The following ARMC8 variants were observed in gnomAD, a reference collection of about 807,000 sequenced individuals.
The protein encoded by ARMC8 is armadillo repeat containing 8.
ARMC8 carries 20 observed loss-of-function variants against 99.3 expected under a neutral mutation model. The observed-to-expected ratio is 0.20, with a 90% CI of 0.14 to 0.29. The LOEUF is 0.29. Among genes scored for constraint, ARMC8 ranks in the 10% least tolerant of loss-of-function variants. The probability of loss-of-function intolerance (pLI) is 1.00; values close to 1 mark genes in which losing one functional copy is unlikely to be tolerated. For synonymous variants in ARMC8, 263 were observed against 278.3 expected (o/e 0.95, Z 0.55); for missense variants, 569 against 809.5 (o/e 0.70, Z 3.60).
At chr3:138,284,271 G>A (rs1416066070) in intron 18 of ARMC8, among the ~76,000 whole-genome samples, 160 bp from the exon 19 acceptor site, 1 of 152,206 alleles carries the variant, frequency 6.6e-6, no homozygotes, top group Non-Finnish European at 1.5e-5. Flanking sequence ...TGTGGTTACT[G>A]TTACTAGCAA....
chr3:138,190,861 T>C (rs1419719797), intron 1 of ARMC8, among the ~76,000 whole-genome samples: 1 of 152,170 alleles, frequency 6.6e-6, no homozygotes, highest in East Asian at 1.9e-4. Context: ...AAAATAGATA[T>C]CAAATAATCA....
intron 2 of ARMC8, among the ~76,000 whole-genome samples, chr3:138,211,712 C>T (rs1001885641): frequency 2.6e-5 from 4 of 151,952 alleles, no homozygotes; most frequent in Admixed American, 1.3e-4. Context: ...TGTTATGGTC[C>T]CTTTCTAGTG....
At position 138,256,498 on chromosome 3, in the gene ARMC8, C is replaced by T. The variant is rs539399875; in HGVS notation, c.1135-7241C>T. On this transcript the variant is annotated intron_variant, in intron 12 of 21. Coordinates refer to ENST00000469044, the MANE Select transcript of ARMC8 (RefSeq NM_001363941.2). ...CTATCTCGGCTCACTGCAAGCTCCG[C>T]CTCCTGGGTTCACGCCATTCTCCCG... 4.9e-4 allele frequency among the ~76,000 whole-genome samples: 74 copies of T among 150,940 alleles called. 1 individual carries two copies. In the Middle Eastern group the frequency reaches 0.01, roughly 21 times the overall value.
At chr3:138,252,370 A>G (rs1026937109) in intron 12 of ARMC8, among the ~76,000 whole-genome samples, 8 of 152,262 alleles carry the variant, frequency 5.3e-5, no homozygotes, top group African/African-American at 1.7e-4. Flanking sequence ...TATGTCCCAC[A>G]AAGTCTAAAA....
chr3:138,291,784 T>G (rs895549805), intron 21 of ARMC8, among the ~76,000 whole-genome samples: 5 of 152,096 alleles, frequency 3.3e-5, no homozygotes, highest in African/African-American at 1.2e-4. Context: ...GGGGTGATAG[T>G]GGGTTCAAAG....
chr3:138,210,853 G>A (rs996074277), intron 2 of ARMC8, among the ~76,000 whole-genome samples: 1 of 151,930 alleles, frequency 6.6e-6, no homozygotes, highest in Non-Finnish European at 1.5e-5. Flanking sequence ...AATTTATAAA[G>A]GGAGGTAAAA....
intron 1 of ARMC8, among the ~76,000 whole-genome samples, chr3:138,195,849 C>T (rs2043699520): frequency 6.9e-6 from 1 of 145,982 alleles, no homozygotes; most frequent in African/African-American, 2.5e-5. Flanking sequence ...CACCACTTGT[C>T]ATTTTGTTGA....
At chr3:138,255,684 T>C (rs1016216511) in intron 12 of ARMC8, among the ~76,000 whole-genome samples, 1 of 152,096 alleles carries the variant, frequency 6.6e-6, no homozygotes, top group Non-Finnish European at 1.5e-5. Context: ...TTTTCTCATT[T>C]AGAAAAAAAC....
At chr3:138,224,979 T>A (rs746004811) in intron 5 of ARMC8, among the ~76,000 whole-genome samples, 2 of 152,158 alleles carry the variant, frequency 1.3e-5, no homozygotes, top group Admixed American at 6.5e-5. Flanking sequence ...TGACTTTCGG[T>A]TGAAATCCAG....
chr3:138,277,755 GC>G (rs1274461487), intron 18 of ARMC8, among the ~76,000 whole-genome samples: 1 of 152,122 alleles, frequency 6.6e-6, no homozygotes, highest in Non-Finnish European at 1.5e-5. Context: ...ACATATACGT[GC>G]CATACGACCC....
chr3:138,277,183 T>C (rs1271735726), intron 18 of ARMC8, among the ~76,000 whole-genome samples: 2 of 152,162 alleles, frequency 1.3e-5, no homozygotes, highest in South Asian at 2.1e-4. Flanking sequence ...GGAGAAAGAA[T>C]GGTCTTTTCA....
chr3:138,221,556 T>C (rs943917448), intron 2 of ARMC8, among the ~76,000 whole-genome samples: 1 of 152,190 alleles, frequency 6.6e-6, no homozygotes, highest in African/African-American at 2.4e-5. Flanking sequence ...GTTAATGTTC[T>C]GTGGGCTGTT....
At chr3:138,265,620 G>A (rs1429440868) in intron 14 of ARMC8, among the ~76,000 whole-genome samples, 1 of 152,176 alleles carries the variant, frequency 6.6e-6, no homozygotes, top group African/African-American at 2.4e-5. Context: ...GGCTTTGAAA[G>A]CAAGAGGAAA....
chr3:138,266,410 G>A (rs750864062), intron 14 of ARMC8, among the ~76,000 whole-genome samples: 37 of 152,060 alleles, frequency 2.4e-4, no homozygotes, highest in Non-Finnish European at 4.9e-4. Context: ...AACTGTTGGG[G>A]CCAGATTTGA....
intron 1 of ARMC8, among the ~76,000 whole-genome samples, chr3:138,204,399 G>A (rs543001609): frequency 3.9e-5 from 6 of 152,208 alleles, no homozygotes; most frequent in East Asian, 1.9e-4. Flanking sequence ...AAACATTTCC[G>A]TCAATGAATA....
chr3:138,241,708 G>A, intron 10 of ARMC8, 75 bp from the exon 11 acceptor site: 1 of 1,187,300 alleles, frequency 8.4e-7, no homozygotes, highest in South Asian at 1.3e-5. Flanking sequence ...AAAAGCTATT[G>A]AGTTGATTCA....
chr3:138,221,550 A>G (rs2045394930), intron 2 of ARMC8, among the ~76,000 whole-genome samples: 1 of 152,142 alleles, frequency 6.6e-6, no homozygotes, highest in Non-Finnish European at 1.5e-5. Context: ...CAAGGAGTTA[A>G]TGTTCTGTGG....
At chr3:138,284,222 GTTGGGGTTCTCT>G (rs1167097015) in intron 18 of ARMC8, among the ~76,000 whole-genome samples, 197 bp from the exon 19 acceptor site, 2 of 152,206 alleles carry the variant, frequency 1.3e-5, no homozygotes, top group African/African-American at 4.8e-5. Flanking sequence ...CCACCAAAGT[GTTGGGGTTCTCT>G]TTTGCCTAAG....
At chr3:138,196,244 G>A (rs966450462) in intron 1 of ARMC8, among the ~76,000 whole-genome samples, 19 of 152,160 alleles carry the variant, frequency 1.2e-4, no homozygotes, top group African/African-American at 4.6e-4. Flanking sequence ...TGGCCAGGTG[G>A]TATCATCTTC....
Sources: allele counts gnomAD v4.1 joint callset (sites outside exome capture counted in the v4.1 genomes callset), GRCh38; gene constraint gnomAD v4.1.1; transcripts MANE v1.5; gene names NCBI Gene and HGNC (gene_info 2026-07-23, HGNC 2026-07-21).